LIMD1: variants seen among roughly 807,000 people sequenced by gnomAD.
The protein encoded by LIMD1 is LIM domain containing 1.
LIMD1 carries 23 observed loss-of-function variants against 58.4 expected under a neutral mutation model. The ratio of observed to expected loss-of-function variants is 0.39; its 90% CI spans 0.28 to 0.56. LIMD1 has a LOEUF of 0.56. LIMD1 is among the 20% of genes least tolerant of loss of function. The pLI is 0.57. For synonymous variants in LIMD1, 334 were observed against 345.5 expected, an observed-to-expected ratio of 0.97 and a Z score of 0.37; for missense variants, 838 against 855.5, an observed-to-expected ratio of 0.98 and a Z score of 0.25.
At chr3:45,602,559 C>G (rs571055060) in intron 1 of LIMD1, among the ~76,000 whole-genome samples, 14 of 152,142 alleles carry the variant, frequency 9.2e-5, no homozygotes, top group African/African-American at 3.1e-4. Flanking sequence ...AGTGACAGAC[C>G]CCCCTTAGCC....
intron 4 of LIMD1, among the ~76,000 whole-genome samples, chr3:45,670,763 C>T (rs1697577564): frequency 6.6e-6 from 1 of 152,182 alleles, no homozygotes; most frequent in South Asian, 2.1e-4. Flanking sequence ...GAGATCTCTA[C>T]CATATGGGAT....
chr3:45,616,087 C>T (rs1016973144), intron 1 of LIMD1, among the ~76,000 whole-genome samples: 4 of 152,116 alleles, frequency 2.6e-5, no homozygotes, highest in Admixed American at 2.0e-4. Flanking sequence ...ATGCTGCTTC[C>T]CTCTGGTTTA....
At chr3:45,668,771 C>G (rs559411660) in intron 4 of LIMD1, among the ~76,000 whole-genome samples, 4 of 151,952 alleles carry the variant, frequency 2.6e-5, no homozygotes, top group Non-Finnish European at 5.9e-5. Flanking sequence ...AAAAAAAGTC[C>G]CTGTAAAGTA....
chr3:45,666,473 C>T (rs1439588679), intron 3 of LIMD1, among the ~76,000 whole-genome samples: 1 of 152,158 alleles, frequency 6.6e-6, no homozygotes, highest in African/African-American at 2.4e-5. Flanking sequence ...AGAAGCTCTC[C>T]GAGGTCTGGA....
At chr3:45,655,069 G>A (rs3733110) in intron 2 of LIMD1, among the ~76,000 whole-genome samples, 38,018 of 151,450 alleles carry the variant, frequency 0.25, 5,608 homozygotes, top group East Asian at 0.54. Context: ...ACAGGCTCAC[G>A]CCACCAGGCC....
intron 7 of LIMD1, among the ~76,000 whole-genome samples, chr3:45,674,736 G>A (rs577091197): frequency 6.6e-6 from 1 of 152,172 alleles, no homozygotes. Flanking sequence ...TGTCAGGCAG[G>A]TGTGCGATTT....
chr3:45,615,619 G>C (rs1701568512), intron 1 of LIMD1, among the ~76,000 whole-genome samples: 1 of 152,052 alleles, frequency 6.6e-6, no homozygotes, highest in African/African-American at 2.4e-5. Context: ...AGCCGGGCAA[G>C]GTGGTGCGTG....
At chr3:45,644,103 A>G (rs1701876502) in intron 2 of LIMD1, among the ~76,000 whole-genome samples, 1 of 152,242 alleles carries the variant, frequency 6.6e-6, no homozygotes, top group East Asian at 1.9e-4. Flanking sequence ...AAAAGCCTGC[A>G]TCTAGAACAC....
intron 2 of LIMD1, among the ~76,000 whole-genome samples, chr3:45,657,538 A>T (rs1301157706): frequency 6.6e-6 from 1 of 151,666 alleles, no homozygotes; most frequent in Non-Finnish European, 1.5e-5. Context: ...AAAAAAAAAA[A>T]AAAAAAGGAA....
intron 1 of LIMD1, among the ~76,000 whole-genome samples, chr3:45,630,221 G>A (rs1253303486): frequency 2.6e-5 from 4 of 152,202 alleles, no homozygotes; most frequent in Admixed American, 1.3e-4. Context: ...AAAGCCAAGG[G>A]AGGCTAAGAG....
chr3:45,655,215 C>T (rs1007829145), intron 2 of LIMD1, among the ~76,000 whole-genome samples: 3 of 152,118 alleles, frequency 2.0e-5, no homozygotes, highest in Non-Finnish European at 4.4e-5. Context: ...ACACCACACT[C>T]GGCCTATCAG....
At chr3:45,626,693 A>G (rs1457007553) in intron 1 of LIMD1, among the ~76,000 whole-genome samples, 1 of 152,162 alleles carries the variant, frequency 6.6e-6, no homozygotes, top group South Asian at 2.1e-4. Flanking sequence ...CATAGAATGT[A>G]CAGCACCCAG....
chr3:45,633,918 G>T (rs78151487), intron 1 of LIMD1, among the ~76,000 whole-genome samples: 8,057 of 152,194 alleles, frequency 0.053, 683 homozygotes, highest in African/African-American at 0.18. Flanking sequence ...GAAGGCTGGG[G>T]ATTTGCAGCC....
intron 1 of LIMD1, among the ~76,000 whole-genome samples, chr3:45,625,332 C>T (rs1423062682): frequency 1.3e-5 from 2 of 152,066 alleles, no homozygotes; most frequent in Non-Finnish European, 2.9e-5. Context: ...GGAGCCTAAA[C>T]AAACAAGAAA....
rs553410171 is a variant in LIMD1 at position 45,637,061 on chromosome 3, G to C, written c.1510+810G>C. Among the ~76,000 whole-genome samples, 5 of 152,290 alleles carry C rather than the reference G, an allele frequency of 3.3e-5. No individual in the cohort carries two copies. The South Asian group carries it at 6.2e-4, about 19-fold the overall frequency. On this transcript the variant is annotated intron_variant, in intron 2 of 7. Transcript: ENST00000273317. ...AGGGAATGTTACAGCAGAGTCACAG[G>C]GTGTCAGGAACAAAGGGGTCTTTCT...
At chr3:45,612,082 T>G (rs1168242712) in intron 1 of LIMD1, among the ~76,000 whole-genome samples, 3 of 151,918 alleles carry the variant, frequency 2.0e-5, no homozygotes, top group African/African-American at 7.2e-5. Flanking sequence ...TCTCTCTCTC[T>G]CTCTCTCTCT....
In LIMD1 at chr3:45,685,476, C is replaced by CTT. The variant is rs1425622302; in HGVS notation, c.*8417_*8418insTT. 6.6e-6 allele frequency: 1 copy of CTT among 152,122 alleles called. No individual in the cohort carries two copies. The highest frequency in any genetic ancestry group is 1.5e-5 in the Non-Finnish European group (1 of 68,034). The allele number at this position is 152,122 out of a possible 1,614,324, so 9.4% of individuals were successfully genotyped here. A position where few individuals can be genotyped will look rare whatever the true frequency, so the allele number is the denominator to read the frequency against. Reference sequence around the variant, plus strand: ...CTATGAGACAGGCTGCAACTTAAACCCCTATTTTATTAAAGGAGAGGAAAT... The same window carrying CTT: ...CTATGAGACAGGCTGCAACTTAAACCTTCCTATTTTATTAAAGGAGAGGAAAT... On this transcript the variant is annotated 3_prime_UTR_variant, in exon 8 of 8. Transcript: ENST00000273317.
At chr3:45,665,459 C>T (rs540792630) in intron 2 of LIMD1, among the ~76,000 whole-genome samples, 191 bp from the exon 3 acceptor site, 31 of 152,180 alleles carry the variant, frequency 2.0e-4, no homozygotes, top group Non-Finnish European at 2.8e-4. Flanking sequence ...GGGCACCCTT[C>T]CTCCCGGCCT....
intron 1 of LIMD1, among the ~76,000 whole-genome samples, chr3:45,601,298 A>G (rs1459504844): frequency 6.6e-6 from 1 of 152,156 alleles, no homozygotes; most frequent in Non-Finnish European, 1.5e-5. Context: ...GGGTCATCCT[A>G]GTTGGCCTGA....
Sources: gnomAD v4.1 joint callset for allele counts (sites outside exome capture counted in the v4.1 genomes callset) on GRCh38, gnomAD v4.1.1 for gene constraint, MANE v1.5 for transcripts, NCBI Gene and HGNC (gene_info 2026-07-23, HGNC 2026-07-21) for gene names.